Variants in DGLUCY observed in about 807,000 individuals in gnomAD.
DGLUCY encodes the protein D-glutamate cyclase.
In DGLUCY, 58 loss-of-function variants were observed where a neutral mutation model predicts 58.5. That is an observed-to-expected ratio of 0.99 (90% CI 0.80 to 1.23). The LOEUF is 1.23. Ranked by LOEUF, DGLUCY falls within the 50% of genes most tolerant of loss-of-function variation. The pLI is 0.00. For missense variants in DGLUCY, 779 were observed against 784.7 expected, an observed-to-expected ratio of 0.99 and a Z score of 0.09; for synonymous variants, 325 against 314.1, an observed-to-expected ratio of 1.03 and a Z score of -0.37.
chr14:91,131,600 T>C (rs1418502288), intron 1 of DGLUCY, among the ~76,000 whole-genome samples: 1 of 152,170 alleles, frequency 6.6e-6, no homozygotes, highest in East Asian at 1.9e-4. Context: ...ATATCTCCTA[T>C]GCTATCCCTC....
intron 6 of DGLUCY, among the ~76,000 whole-genome samples, chr14:91,175,066 T>A (rs2048783003): frequency 6.6e-6 from 1 of 151,970 alleles, no homozygotes; most frequent in Non-Finnish European, 1.5e-5. Context: ...GAATCTGGGG[T>A]TGGAGGAAGC....
chr14:91,181,267 T>C lies in DGLUCY; in HGVS notation c.812T>C (p.Leu271Pro), dbSNP rs747043858. The C allele has an allele frequency of 6.2e-7, 1 of 1,614,148 alleles. No individual in the cohort carries two copies. The highest frequency in any genetic ancestry group is 2.2e-5 in the East Asian group (1 of 44,884). ...LKDAKAPPGC[L>P]TPERIPEVHH... ...GATGCAAAGGCTCCACCTGGTTGTCTCACCCCAGAGAGAATTCCAGAGGTC... is the reference window on the plus strand; with the variant it reads ...GATGCAAAGGCTCCACCTGGTTGTCCCACCCCAGAGAGAATTCCAGAGGTC... The change falls in exon 8 of 14, where the codon CTC becomes CCC. Residue 271 changes from leucine to proline, a missense_variant. By Grantham distance (98) the Leu-to-Pro change is moderately conservative. Coordinates refer to ENST00000256324, the MANE Select transcript of DGLUCY (RefSeq NM_001102368.3).
In DGLUCY at chr14:91,170,136, G is replaced by A. The variant is rs2048495699; in HGVS notation, c.391G>A (p.Ala131Thr). ...GGGCTGCAGCTTCTCCCTGGAGGAGGCCTTGGAGAAAGCGGGGCTCCCCAG... is the reference window on the plus strand; with the variant it reads ...GGGCTGCAGCTTCTCCCTGGAGGAGACCTTGGAGAAAGCGGGGCTCCCCAG... ...FLGCSFSLEE[A>T]LEKAGLPRRD... is the part of the protein sequence containing the mutation. The change falls in exon 5 of 14, where the codon GCC (alanine) becomes ACC (threonine). Residue 131 changes from alanine to threonine, a missense_variant. Ala to Thr is a moderately conservative substitution (Grantham distance 58). Transcript: ENST00000256324. 1.2e-6 allele frequency: 2 copies of A among 1,613,348 alleles called. No individual in the cohort carries two copies. Among genetic ancestry groups the A allele is most frequent in the Admixed American group, 1.7e-5 (1 of 60,034 alleles).
chr14:91,204,655 C>T (rs1884224039), intron 11 of DGLUCY, 51 bp from the exon 12 acceptor site: 2 of 1,596,362 alleles, frequency 1.3e-6, no homozygotes, highest in East Asian at 4.5e-5. Flanking sequence ...CTTCAGGCCT[C>T]CCCCATTTTG....
chr14:91,215,940 A>G (rs1886454873), intron 13 of DGLUCY: 1 of 375,668 alleles, frequency 2.7e-6, no homozygotes, highest in South Asian at 2.2e-5. Flanking sequence ...GCCCCCTCCA[A>G]GGAATTCACC....
intron 1 of DGLUCY, among the ~76,000 whole-genome samples, chr14:91,126,134 G>A (rs1441286338): frequency 4.6e-5 from 7 of 152,078 alleles, no homozygotes; most frequent in Non-Finnish European, 1.0e-4. Flanking sequence ...GGTTTCTTAG[G>A]GCTGCCACAA....
At chr14:91,072,132 G>A (rs953265561) in intron 1 of DGLUCY, among the ~76,000 whole-genome samples, 1 of 152,004 alleles carries the variant, frequency 6.6e-6, no homozygotes, top group African/African-American at 2.4e-5. Flanking sequence ...AGATCAGCCT[G>A]GGCAACCTGG....
chr14:91,122,778 T>C (rs2045462497), intron 1 of DGLUCY, among the ~76,000 whole-genome samples: 1 of 151,910 alleles, frequency 6.6e-6, no homozygotes, highest in African/African-American at 2.4e-5. Flanking sequence ...CTGGCTAATT[T>C]TTGTATTTTT....
Position 91,224,966 on chromosome 14 carries a change from G to A in DGLUCY, c.*133G>A. On this transcript the variant is annotated 3_prime_UTR_variant, in exon 14 of 14. Transcript: ENST00000256324. The stretch of plus-strand genomic sequence containing the variant: ...TGAGCAACGAACACTCGCCTGGCCT[G>A]GGAAACTGCATGCCCACTTTCTGGG... The A allele has an allele frequency of 9.3e-7, 1 of 1,075,328 alleles. No homozygotes were observed. The highest frequency in any genetic ancestry group is 1.3e-6 in the Non-Finnish European group (1 of 790,254). The allele number at this position is 1,075,328 out of a possible 1,614,324, so 66.6% of individuals were successfully genotyped here.
chr14:91,096,096 T>C (rs1302483155), intron 1 of DGLUCY, among the ~76,000 whole-genome samples: 1 of 151,956 alleles, frequency 6.6e-6, no homozygotes, highest in Non-Finnish European at 1.5e-5. Context: ...TAGGTGGGGG[T>C]CTTTGTCATC....
chr14:91,224,656 C>G, intron 13 of DGLUCY, 28 bp from the exon 14 acceptor site: 2 of 1,566,740 alleles, frequency 1.3e-6, no homozygotes, highest in Non-Finnish European at 1.7e-6. Context: ...CCCTCCACTC[C>G]TTCTATTTCT....
At chr14:91,163,591 C>A (rs906095497) in intron 3 of DGLUCY, among the ~76,000 whole-genome samples, 1 of 152,184 alleles carries the variant, frequency 6.6e-6, no homozygotes, top group African/African-American at 2.4e-5. Context: ...TGTTTCACTC[C>A]CCAGTCCCCA....
At chr14:91,189,241 A>G (rs909557341) in intron 9 of DGLUCY, 71 bp downstream of exon 9, 1 of 1,576,530 alleles carries the variant, frequency 6.3e-7, no homozygotes, top group Non-Finnish European at 8.7e-7. Flanking sequence ...GGGAATCAGC[A>G]TCTGCAGTAC....
At chr14:91,144,077 G>A (rs1488894542) in intron 1 of DGLUCY, among the ~76,000 whole-genome samples, 2 of 152,138 alleles carry the variant, frequency 1.3e-5, no homozygotes, top group Admixed American at 1.3e-4. Flanking sequence ...CAGCCCTTGG[G>A]TCCAAGAATA....
chr14:91,131,323 G>A (rs376232816), intron 1 of DGLUCY, among the ~76,000 whole-genome samples: 1 of 152,084 alleles, frequency 6.6e-6, no homozygotes, highest in Non-Finnish European at 1.5e-5. Context: ...TTGGACAGAA[G>A]TTCTTAATTT....
intron 1 of DGLUCY, among the ~76,000 whole-genome samples, chr14:91,147,073 G>C (rs904108513): frequency 6.6e-6 from 1 of 152,102 alleles, no homozygotes; most frequent in African/African-American, 2.4e-5. Flanking sequence ...CCTCCTCCTG[G>C]AGCACCTGTG....
At chr14:91,206,213 G>A (rs553691927) in intron 12 of DGLUCY, among the ~76,000 whole-genome samples, 28 of 151,996 alleles carry the variant, frequency 1.8e-4, no homozygotes, top group African/African-American at 6.5e-4. Flanking sequence ...GCTCCCTCTA[G>A]CAATCTGTGC....
At chr14:91,131,041 C>T (rs952147508) in intron 1 of DGLUCY, among the ~76,000 whole-genome samples, 15 of 151,938 alleles carry the variant, frequency 9.9e-5, no homozygotes, top group African/African-American at 3.1e-4. Flanking sequence ...TCAACCTCCC[C>T]GGCTCAAGCA....
chr14:91,141,863 T>TC (rs1411962209), intron 1 of DGLUCY, among the ~76,000 whole-genome samples: 3 of 150,694 alleles, frequency 2.0e-5, no homozygotes, highest in Non-Finnish European at 4.4e-5. Flanking sequence ...TTTTTTTTTT[T>TC]CAGACAGAGT....
Sources: gnomAD v4.1 joint callset for allele counts (sites outside exome capture counted in the v4.1 genomes callset) on GRCh38, gnomAD v4.1.1 for gene constraint, MANE v1.5 for transcripts, NCBI Gene and HGNC (gene_info 2026-07-23, HGNC 2026-07-21) for gene names.